Variants in RERE observed in about 807,000 individuals in gnomAD.
The protein encoded by RERE is arginine-glutamic acid dipeptide repeats.
In RERE, 40 loss-of-function variants were observed where a neutral mutation model predicts 146.1. The observed-to-expected ratio is 0.27, with a 90% CI of 0.21 to 0.36. The LOEUF (loss-of-function observed/expected upper bound fraction) is 0.36. RERE is among the 10% of genes least tolerant of loss of function. The pLI, the probability that RERE is intolerant of heterozygous loss-of-function variation, is 1.00. For synonymous variants in RERE, 1,003 were observed against 866.0 expected (o/e 1.16, Z -2.78); for missense variants, 1,933 against 2,138.7 (o/e 0.90, Z 1.90).
chr1:8,389,361 C>T (rs979386034), intron 12 of RERE, among the ~76,000 whole-genome samples: 3 of 152,198 alleles, frequency 2.0e-5, no homozygotes. Context: ...TCATCCCCAG[C>T]ATCCACTGGC....
intron 12 of RERE, among the ~76,000 whole-genome samples, chr1:8,413,499 T>C (rs1414855942): frequency 1.3e-5 from 2 of 151,972 alleles, no homozygotes; most frequent in Non-Finnish European, 2.9e-5. Flanking sequence ...CGTGTCACCA[T>C]ACCCAGCTAA....
intron 8 of RERE, among the ~76,000 whole-genome samples, chr1:8,507,658 C>T (rs909696640): frequency 2.0e-4 from 30 of 152,076 alleles, no homozygotes; most frequent in Non-Finnish European, 3.8e-4. Context: ...ATCCGCCTGC[C>T]TCAGCCTCCC....
chr1:8,419,732 C>T (rs536858284), intron 12 of RERE, among the ~76,000 whole-genome samples: 1 of 152,212 alleles, frequency 6.6e-6, no homozygotes, highest in East Asian at 1.9e-4. Flanking sequence ...GGAATTATCA[C>T]CCCATTTTAC....
chr1:8,644,364 T>C (rs1647230124), intron 2 of RERE, among the ~76,000 whole-genome samples: 1 of 152,148 alleles, frequency 6.6e-6, no homozygotes, highest in African/African-American at 2.4e-5. Flanking sequence ...CGGTCAGTAG[T>C]TCCCGCCAAC....
At chr1:8,387,746 A>T (rs1418510231) in intron 12 of RERE, among the ~76,000 whole-genome samples, 3 of 152,246 alleles carry the variant, frequency 2.0e-5, no homozygotes, top group African/African-American at 7.2e-5. Context: ...CAGACATTTC[A>T]AGTTTATAAT....
At chr1:8,562,383 T>C (rs1164889331) in intron 4 of RERE, among the ~76,000 whole-genome samples, 3 of 152,148 alleles carry the variant, frequency 2.0e-5, no homozygotes, top group Admixed American at 1.3e-4. Flanking sequence ...GAATGCAGAA[T>C]AAAGAGGGAA....
chr1:8,358,732 G>C lies in RERE; in HGVS notation c.3803C>G (p.Thr1268Ser). The C allele has an allele frequency of 6.2e-7, 1 of 1,607,760 alleles. No individual in the cohort carries two copies. Among genetic ancestry groups the C allele is most frequent in the Non-Finnish European group, 8.5e-7 (1 of 1,176,276 alleles). ...EYARPHVMSPTNRNHPFYMPL... is the reference protein window; with the variant it reads ...EYARPHVMSPSNRNHPFYMPL... ...CATGTAGAAGGGGTGGTTGCGGTTG[G>C]TGGGCGACATGACGTGGGGCCGGGC... Residue 1268 changes from threonine (T) to serine (S), a missense_variant, in exon 20 of 23, where the codon ACC becomes AGC. By Grantham distance (58) the Thr-to-Ser change is moderately conservative. Around this residue, in one of 11 missense-constraint regions of RERE, gnomAD observed 1,255 missense variants for 1,153.8 expected, o/e 1.09. Transcript: ENST00000400908.
chr1:8,732,622 G>A (rs1640108562), intron 1 of RERE, among the ~76,000 whole-genome samples: 1 of 151,978 alleles, frequency 6.6e-6, no homozygotes, highest in Non-Finnish European at 1.5e-5. Context: ...CCCACAGAAT[G>A]TACAACACAA....
chr1:8,684,893 C>G (rs1295725216), intron 1 of RERE, among the ~76,000 whole-genome samples: 1 of 152,212 alleles, frequency 6.6e-6, no homozygotes, highest in Non-Finnish European at 1.5e-5. Context: ...GGATCTCACT[C>G]TGTGATCCAG....
chr1:8,394,524 A>G (rs1334834540), intron 12 of RERE, among the ~76,000 whole-genome samples: 1 of 152,242 alleles, frequency 6.6e-6, no homozygotes, highest in Non-Finnish European at 1.5e-5. Context: ...GTCCAAGGAC[A>G]GCGGGAGTGG....
intron 10 of RERE, among the ~76,000 whole-genome samples, chr1:8,467,714 G>A (rs574744781): frequency 6.6e-6 from 1 of 151,994 alleles, no homozygotes; most frequent in East Asian, 1.9e-4. Context: ...GCGCGATCAC[G>A]GCTCACTGCA....
At chr1:8,394,992 T>TAAATA (rs1392750928) in intron 12 of RERE, among the ~76,000 whole-genome samples, 1 of 152,078 alleles carries the variant, frequency 6.6e-6, no homozygotes, top group Non-Finnish European at 1.5e-5. Flanking sequence ...TAAATAAATG[T>TAAATA]AAATAAAATA....
chr1:8,633,837 G>A (rs558354945), intron 2 of RERE, among the ~76,000 whole-genome samples: 1 of 152,266 alleles, frequency 6.6e-6, no homozygotes, highest in East Asian at 1.9e-4. Flanking sequence ...GCTGAGGTGG[G>A]AGGATTGCTT....
At chr1:8,379,619 G>C (rs780756481) in intron 12 of RERE, among the ~76,000 whole-genome samples, 5 of 152,158 alleles carry the variant, frequency 3.3e-5, no homozygotes, top group African/African-American at 1.2e-4. Flanking sequence ...TACAGAGGGC[G>C]GCTGGCTCTC....
chr1:8,658,145 T>C (rs1638365685), intron 1 of RERE, among the ~76,000 whole-genome samples: 1 of 152,320 alleles, frequency 6.6e-6, no homozygotes, highest in East Asian at 1.9e-4. Context: ...ACAATAAATT[T>C]ATAAATAAAT....
chr1:8,770,222 T>C (rs1057208844), intron 1 of RERE, among the ~76,000 whole-genome samples: 4 of 152,068 alleles, frequency 2.6e-5, no homozygotes, highest in African/African-American at 9.7e-5. Context: ...TGTAACGGAG[T>C]AAACATTCTC....
chr1:8,497,852 G>A (rs913310374), intron 8 of RERE, among the ~76,000 whole-genome samples: 3 of 152,170 alleles, frequency 2.0e-5, no homozygotes, highest in Admixed American at 1.3e-4. Flanking sequence ...AATGTCTTTA[G>A]ATGATAACAG....
rs754733974 is a variant in RERE, at chr1:8,559,304, A to AAAAAAAAAAAAAAAAAAAAAC, written c.523-1782_523-1781insGTTTTTTTTTTTTTTTTTTTT. Among the ~76,000 whole-genome samples the AAAAAAAAAAAAAAAAAAAAAC allele has an allele frequency of 5.4e-5, 7 of 130,098 alleles. No homozygotes were observed. In the East Asian group the frequency reaches 1.4e-3, roughly 26 times the overall value. The allele number at this position is 130,098 out of a possible 152,430, so 85.3% of individuals were successfully genotyped here. A position where few individuals can be genotyped will look rare whatever the true frequency, so the allele number is the denominator to read the frequency against. The stretch of plus-strand genomic sequence containing the variant: ...TCAAAAAAAAAAAAAAAAAAAAAAA[A>AAAAAAAAAAAAAAAAAAAAAC]CAGAACAAAACAAAACAAAAAACCA... On this transcript the variant is annotated intron_variant, in intron 4 of 22. Transcript: ENST00000400908.
chr1:8,445,081 T>C (rs1644300655), intron 11 of RERE, among the ~76,000 whole-genome samples: 1 of 152,060 alleles, frequency 6.6e-6, no homozygotes, highest in South Asian at 2.1e-4. Context: ...AATTTGGGAG[T>C]GGGTATGCGC....
Sources: gnomAD v4.1 joint callset for allele counts (sites outside exome capture counted in the v4.1 genomes callset) on GRCh38, gnomAD v4.1.1 for gene constraint, gnomAD v4.1.1 regional missense constraint, MANE v1.5 for transcripts, NCBI Gene and HGNC (gene_info 2026-07-23, HGNC 2026-07-21) for gene names.